CCDC85A: variants seen among roughly 807,000 people sequenced by gnomAD.
The protein encoded by CCDC85A is coiled-coil domain-containing protein 85A.
CCDC85A carries 38 observed loss-of-function variants against 50.2 expected under a neutral mutation model. That is an observed-to-expected ratio of 0.76 (90% CI 0.58 to 0.99). CCDC85A has a LOEUF of 0.99. CCDC85A is among the 50% of genes least tolerant of loss of function. The probability of loss-of-function intolerance (pLI) is 0.00; values close to 1 mark genes in which losing one functional copy is unlikely to be tolerated. For synonymous variants in CCDC85A, 366 were observed against 301.4 expected (o/e 1.21, Z -2.22); for missense variants, 820 against 742.0 (o/e 1.11, Z -1.22).
At chr2:56,187,264 G>A (rs548158515) in intron 1 of CCDC85A, among the ~76,000 whole-genome samples, 1 of 152,308 alleles carries the variant, frequency 6.6e-6, no homozygotes, top group Admixed American at 6.5e-5. Context: ...AAATGTAGGG[G>A]AATTAAGACC....
chr2:56,345,255 G>C (rs1674579110), intron 3 of CCDC85A, among the ~76,000 whole-genome samples: 1 of 152,076 alleles, frequency 6.6e-6, no homozygotes, highest in African/African-American at 2.4e-5. Flanking sequence ...TTGATGCTAA[G>C]ATGTTATTGA....
intron 2 of CCDC85A, among the ~76,000 whole-genome samples, chr2:56,241,368 A>C (rs1027981662): frequency 6.6e-6 from 1 of 152,058 alleles, no homozygotes; most frequent in African/African-American, 2.4e-5. Flanking sequence ...TGTACAATTA[A>C]ATTATTATTG....
chr2:56,252,169 C>G (rs1009821259), intron 2 of CCDC85A, among the ~76,000 whole-genome samples: 1 of 151,888 alleles, frequency 6.6e-6, no homozygotes, highest in African/African-American at 2.4e-5. Context: ...GCCTCAGCCT[C>G]CCGAGTAGCT....
intron 2 of CCDC85A, among the ~76,000 whole-genome samples, chr2:56,291,611 A>G (rs1671709323): frequency 6.6e-6 from 1 of 152,152 alleles, no homozygotes; most frequent in Non-Finnish European, 1.5e-5. Flanking sequence ...CAAAGACCCT[A>G]AAGTGGGAAA....
At chr2:56,295,548 C>T (rs989255607) in intron 2 of CCDC85A, among the ~76,000 whole-genome samples, 4 of 152,180 alleles carry the variant, frequency 2.6e-5, no homozygotes, top group African/African-American at 9.7e-5. Flanking sequence ...AGTTCACCAC[C>T]AGGGCCCTCA....
At chr2:56,339,734 T>G (rs1056340127) in intron 2 of CCDC85A, among the ~76,000 whole-genome samples, 3 of 152,162 alleles carry the variant, frequency 2.0e-5, no homozygotes, top group Admixed American at 6.5e-5. Flanking sequence ...TTGGATGGCC[T>G]TATCAAGTGG....
intron 5 of CCDC85A, among the ~76,000 whole-genome samples, chr2:56,378,687 A>T (rs1390560485): frequency 6.6e-6 from 1 of 152,178 alleles, no homozygotes; most frequent in Admixed American, 6.5e-5. Context: ...TACAGGATCG[A>T]ACTCTAGTTA....
intron 2 of CCDC85A, among the ~76,000 whole-genome samples, chr2:56,340,464 G>A (rs1418958450): frequency 6.6e-6 from 1 of 152,148 alleles, no homozygotes. Context: ...AGTGTTACCA[G>A]TAGCGAAACC....
At chr2:56,245,898 T>C (rs1366846782) in intron 2 of CCDC85A, among the ~76,000 whole-genome samples, 1 of 152,184 alleles carries the variant, frequency 6.6e-6, no homozygotes, top group Non-Finnish European at 1.5e-5. Context: ...CTTCCCAGTT[T>C]CCAGAACTGG....
At chr2:56,281,973 A>G (rs1671225605) in intron 2 of CCDC85A, among the ~76,000 whole-genome samples, 1 of 152,138 alleles carries the variant, frequency 6.6e-6, no homozygotes, top group African/African-American at 2.4e-5. Context: ...TGTGGTCTGT[A>G]CTTGTATCCT....
rs116474090 is a variant in CCDC85A at position 56,244,140 on chromosome 2, G to T, written c.1240+50700G>T. On this transcript the variant is annotated intron_variant, in intron 2 of 5. Coordinates refer to ENST00000407595, the MANE Select transcript of CCDC85A (RefSeq NM_001080433.2). ...GCAGGTGGTAAATCCAGCTACTCTT[G>T]TGTCTTTCCCTTTAGGGCAGAAAAT... is the stretch of plus-strand genomic sequence containing the variant. Among the ~76,000 whole-genome samples the T allele has an allele frequency of 4.1e-3, 622 of 152,252 alleles. 5 individuals carry two copies. The highest frequency in any genetic ancestry group is 0.014 in the African/African-American group (563 of 41,548).
At chr2:56,380,350 T>A (rs1415695953) in intron 5 of CCDC85A, among the ~76,000 whole-genome samples, 1 of 152,108 alleles carries the variant, frequency 6.6e-6, no homozygotes, top group African/African-American at 2.4e-5. Flanking sequence ...AGCTTTCAGT[T>A]GTTGACCCAA....
chr2:56,205,769 C>G (rs771591753), intron 2 of CCDC85A, among the ~76,000 whole-genome samples: 1 of 152,122 alleles, frequency 6.6e-6, no homozygotes, highest in African/African-American at 2.4e-5. Context: ...ATTGTGTATT[C>G]CATGTGGGTA....
chr2:56,213,222 C>T (rs1213854476), intron 2 of CCDC85A, among the ~76,000 whole-genome samples: 2 of 151,928 alleles, frequency 1.3e-5, no homozygotes, highest in Admixed American at 1.3e-4. Flanking sequence ...TCACCTTGGT[C>T]ACTATTATTT....
In CCDC85A at chr2:56,193,262, C is replaced by T. The variant is rs909446845; in HGVS notation, c.1062C>T (p.Ala354=). 1 of 1,612,092 alleles carries T rather than the reference C, an allele frequency of 6.2e-7. No homozygotes were observed. Among genetic ancestry groups the T allele is most frequent in the South Asian group, 1.1e-5 (1 of 90,978 alleles). ...LGGSLEHLPR[A]RGTSPEHLKQ... ...GGAGCCTAGAGCATCTCCCCAGAGC[C>T]AGGGGCACCAGCCCGGAGCACCTCA... The change falls in exon 2 of 6, where the codon GCC becomes GCT. Residue 354 remains alanine, a synonymous_variant. Coordinates refer to ENST00000407595, the MANE Select transcript of CCDC85A (RefSeq NM_001080433.2).
At chr2:56,293,610 A>C (rs1429355186) in intron 2 of CCDC85A, among the ~76,000 whole-genome samples, 1 of 152,222 alleles carries the variant, frequency 6.6e-6, no homozygotes, top group East Asian at 1.9e-4. Context: ...TTAAATTTAC[A>C]AGAAAAAAAC....
intron 5 of CCDC85A, 132 bp from the exon 6 acceptor site, chr2:56,384,134 C>A: frequency 1.4e-6 from 1 of 727,244 alleles, no homozygotes; most frequent in Non-Finnish European, 2.3e-6. Context: ...TGTATTTGAA[C>A]TCATTCATGT....
chr2:56,275,852 T>C (rs556147774), intron 2 of CCDC85A, among the ~76,000 whole-genome samples: 15 of 152,336 alleles, frequency 9.8e-5, no homozygotes, highest in Admixed American at 9.2e-4. Context: ...CTTCTGAGAA[T>C]CAGGAGGCAA....
At position 56,206,143 on chromosome 2, in the gene CCDC85A, G is replaced by A. The variant is rs148611321; in HGVS notation, c.1240+12703G>A. 7.2e-5 allele frequency among the ~76,000 whole-genome samples: 11 copies of A among 152,184 alleles called. No individual in the cohort carries two copies. In the East Asian group the frequency reaches 2.1e-3, roughly 30 times the overall value. On this transcript the variant is annotated intron_variant, in intron 2 of 5. Transcript: ENST00000407595. ...CAGATAATTTTGGAAAGTGAGTCAA[G>A]GCCAGATTACCTAGGGAATGAAATA... is the stretch of plus-strand genomic sequence containing the variant.
Sources: allele counts gnomAD v4.1 joint callset (sites outside exome capture counted in the v4.1 genomes callset), GRCh38; gene constraint gnomAD v4.1.1; transcripts MANE v1.5; gene names NCBI Gene and HGNC (gene_info 2026-07-23, HGNC 2026-07-21).